The following CCDC6 variants were observed in gnomAD, a reference collection of about 807,000 sequenced individuals.
CCDC6 encodes the protein coiled-coil domain-containing protein 6.
In CCDC6, 20 loss-of-function variants were observed where a neutral mutation model predicts 56.6. The ratio of observed to expected loss-of-function variants is 0.35; its 90% confidence interval spans 0.25 to 0.51. The LOEUF (loss-of-function observed/expected upper bound fraction) is 0.51. Among genes scored for constraint, CCDC6 ranks in the 20% least tolerant of loss-of-function variants. The pLI is 0.95. For synonymous variants in CCDC6, 241 were observed against 234.4 expected, an observed-to-expected ratio of 1.03 and a Z score of -0.26; for missense variants, 367 against 601.1, an observed-to-expected ratio of 0.61 and a Z score of 4.07.
chr10:59,865,411 C>T (rs759056960), intron 1 of CCDC6, among the ~76,000 whole-genome samples: 1 of 152,156 alleles, frequency 6.6e-6, no homozygotes, highest in South Asian at 2.1e-4. Context: ...CTCCTCCCAC[C>T]CTTTCCCGGC....
chr10:59,822,726 G>T (rs1242175884), intron 3 of CCDC6, among the ~76,000 whole-genome samples: 1 of 152,112 alleles, frequency 6.6e-6, no homozygotes, highest in Non-Finnish European at 1.5e-5. Flanking sequence ...GACAGGGACA[G>T]GGGGGCAGAG....
chr10:59,895,228 A>G (rs1449425573), intron 1 of CCDC6, among the ~76,000 whole-genome samples: 1 of 152,214 alleles, frequency 6.6e-6, no homozygotes, highest in Non-Finnish European at 1.5e-5. Flanking sequence ...CCTGAGCTTA[A>G]GAGGTCGAGG....
At chr10:59,865,619 C>T (rs975740135) in intron 1 of CCDC6, among the ~76,000 whole-genome samples, 8 of 151,886 alleles carry the variant, frequency 5.3e-5, no homozygotes, top group African/African-American at 1.9e-4. Context: ...TTTGGGAGGC[C>T]GAGGCGGGCA....
chr10:59,797,683 T>TTGTGTGTGTGTGTGTGTGTGTGTGTGTG (rs72280811), intron 7 of CCDC6, among the ~76,000 whole-genome samples: 81 of 140,618 alleles, frequency 5.8e-4, no homozygotes, highest in South Asian at 2.1e-3. Flanking sequence ...AGTGAGAGTG[T>TTGTGTGTGTGTGTGTGTGTGTGTGTGTG]TGTGTGTGTG....
chr10:59,900,853 G>A (rs1032582131), intron 1 of CCDC6, among the ~76,000 whole-genome samples: 1 of 152,166 alleles, frequency 6.6e-6, no homozygotes, highest in Admixed American at 6.5e-5. Flanking sequence ...TAGGCCAGGA[G>A]TTCTGAGACC....
intron 1 of CCDC6, among the ~76,000 whole-genome samples, chr10:59,862,395 T>G (rs182592064): frequency 6.6e-6 from 1 of 150,630 alleles, no homozygotes; most frequent in Non-Finnish European, 1.5e-5. Context: ...GGTTGAGGCA[T>G]AAGAATCGCT....
chr10:59,892,264 A>T (rs1046784463), intron 1 of CCDC6, among the ~76,000 whole-genome samples: 1 of 152,182 alleles, frequency 6.6e-6, no homozygotes, highest in Non-Finnish European at 1.5e-5. Flanking sequence ...GTACTTTTTT[A>T]AAAAACACAA....
At chr10:59,837,398 G>A (rs1389403693) in intron 2 of CCDC6, among the ~76,000 whole-genome samples, 2 of 152,156 alleles carry the variant, frequency 1.3e-5, no homozygotes, top group African/African-American at 2.4e-5. Context: ...CTTGCCAACC[G>A]AAGCAAGGCT....
chr10:59,844,892 T>A (rs2070978073), intron 2 of CCDC6, among the ~76,000 whole-genome samples: 1 of 152,152 alleles, frequency 6.6e-6, no homozygotes, highest in Non-Finnish European at 1.5e-5. Context: ...GAGGCATTAT[T>A]GAAAATTACA....
At chr10:59,837,471 G>A (rs1054057546) in intron 2 of CCDC6, among the ~76,000 whole-genome samples, 12 of 152,224 alleles carry the variant, frequency 7.9e-5, no homozygotes, top group African/African-American at 2.2e-4. Flanking sequence ...CAGGCCAGGC[G>A]CAGTGGCTCA....
intron 2 of CCDC6, among the ~76,000 whole-genome samples, chr10:59,843,538 G>A (rs1269076623): frequency 2.6e-5 from 4 of 152,078 alleles, no homozygotes; most frequent in South Asian, 2.1e-4. Context: ...GTATACGCCC[G>A]GTAATTCCAA....
chr10:59,829,204 G>A (rs2070814692), intron 3 of CCDC6, among the ~76,000 whole-genome samples: 1 of 152,182 alleles, frequency 6.6e-6, no homozygotes, highest in South Asian at 2.1e-4. Flanking sequence ...GCTTTACAGA[G>A]AACAGAAAGG....
chr10:59,885,185 T>C (rs1479767897), intron 1 of CCDC6, among the ~76,000 whole-genome samples: 2 of 152,116 alleles, frequency 1.3e-5, no homozygotes, highest in African/African-American at 4.8e-5. Context: ...AAATCTAGTT[T>C]GGATACATTT....
chr10:59,854,760 T>C (rs1265907532), intron 1 of CCDC6, among the ~76,000 whole-genome samples: 3 of 152,230 alleles, frequency 2.0e-5, no homozygotes, highest in South Asian at 2.1e-4. Flanking sequence ...AAAGTATTTA[T>C]TTAAGACATA....
intron 1 of CCDC6, among the ~76,000 whole-genome samples, chr10:59,876,287 G>A (rs1190004744): frequency 1.3e-5 from 2 of 151,716 alleles, no homozygotes; most frequent in East Asian, 1.9e-4. Context: ...GACCTCAGGC[G>A]ATCCACCCGC....
At position 59,905,874 on chromosome 10, in the gene CCDC6, A is replaced by C. The variant is rs553731843; in HGVS notation, c.303+248T>G. Among the ~76,000 whole-genome samples, 77 of 152,198 alleles carry C rather than the reference A, an allele frequency of 5.1e-4. No homozygotes were observed. In the South Asian group the frequency reaches 0.016, roughly 31 times the overall value. On this transcript the variant is annotated intron_variant, in intron 1 of 8. Coordinates refer to ENST00000263102, the MANE Select transcript of CCDC6 (RefSeq NM_005436.5). ...TCTCCAGAGGCTAAAAGGGACCATG[A>C]ATGGTTGCCACAGTAGCCTTCCCCC...
intron 1 of CCDC6, among the ~76,000 whole-genome samples, chr10:59,888,984 G>A (rs1344778542): frequency 6.6e-6 from 1 of 151,912 alleles, no homozygotes; most frequent in African/African-American, 2.4e-5. Context: ...ACTAACATGG[G>A]CAGCCATTTC....
At chr10:59,840,285 C>T (rs1056057365) in intron 2 of CCDC6, among the ~76,000 whole-genome samples, 8 of 152,074 alleles carry the variant, frequency 5.3e-5, no homozygotes, top group African/African-American at 1.2e-4. Flanking sequence ...TTTTCAAATG[C>T]GTGTAATGAT....
chr10:59,869,244 T>G (rs563253584), intron 1 of CCDC6, among the ~76,000 whole-genome samples: 5 of 150,648 alleles, frequency 3.3e-5, no homozygotes, highest in Non-Finnish European at 5.9e-5. Context: ...CAGAAAAGCC[T>G]CCCTCAGATC....
Sources: allele counts gnomAD v4.1 joint callset (sites outside exome capture counted in the v4.1 genomes callset), GRCh38; gene constraint gnomAD v4.1.1; transcripts MANE v1.5; gene names NCBI Gene and HGNC (gene_info 2026-07-23, HGNC 2026-07-21).